SAMMSON: variants seen among roughly 807,000 people sequenced by gnomAD.
The protein encoded by SAMMSON is long intergenic non-protein coding RNA 1212.
intron 4 of SAMMSON, chr3:70,075,335 T>C (rs922723878): frequency 8.5e-5 from 13 of 152,132 alleles, no homozygotes; most frequent in African/African-American, 3.1e-4. Flanking sequence ...ATATTTATGT[T>C]GTTACTCATG....
intron 4 of SAMMSON, among the ~76,000 whole-genome samples, chr3:70,162,514 T>C (rs1487577414): frequency 6.6e-6 from 1 of 151,966 alleles, no homozygotes; most frequent in Non-Finnish European, 1.5e-5. Context: ...TTATATGATT[T>C]CAATTATTTT....
chr3:70,324,114 G>T (rs1033309347), intron 7 of SAMMSON, among the ~76,000 whole-genome samples: 1 of 152,038 alleles, frequency 6.6e-6, no homozygotes, highest in Admixed American at 6.6e-5. Context: ...TCCCCAAATT[G>T]TGTAAGTTCA....
At chr3:70,129,207 G>A (rs2067471036) in intron 4 of SAMMSON, among the ~76,000 whole-genome samples, 1 of 152,150 alleles carries the variant, frequency 6.6e-6, no homozygotes, top group Non-Finnish European at 1.5e-5. Flanking sequence ...GGTCAAACTA[G>A]TGTGGTTGTC....
rs921114459 is a variant in SAMMSON at position 70,081,507 on chromosome 3, G to A, written n.507+9942G>A. Among the ~76,000 whole-genome samples the A allele has an allele frequency of 9.9e-5, 15 of 152,130 alleles. 1 individual carries two copies. The South Asian group carries it at 2.5e-3, about 25-fold the overall frequency. On this transcript the variant is annotated intron_variant and non_coding_transcript_variant, in intron 4 of 9. Transcript: ENST00000642114. The stretch of plus-strand genomic sequence containing the variant: ...AAGACTGTAAGCTCCATGAAGACAG[G>A]CTCTTCACTCACTCCCCATTGTTTG...
intron 3 of SAMMSON, among the ~76,000 whole-genome samples, chr3:70,054,100 C>A (rs1326040320): frequency 6.6e-6 from 1 of 152,122 alleles, no homozygotes; most frequent in Non-Finnish European, 1.5e-5. Flanking sequence ...AGCATTCCAG[C>A]ATATCTGCAA....
At chr3:70,205,854 A>G (rs1701285717) in intron 4 of SAMMSON, 1 of 152,116 alleles carries the variant, frequency 6.6e-6, no homozygotes, top group Admixed American at 6.6e-5. Flanking sequence ...ACTGAACACT[A>G]CAAAATCTTG....
intron 3 of SAMMSON, among the ~76,000 whole-genome samples, chr3:70,053,022 A>G (rs2067152070): frequency 6.6e-6 from 1 of 152,156 alleles, no homozygotes; most frequent in Non-Finnish European, 1.5e-5. Context: ...TAATAAGCCT[A>G]TCAGTGCTCT....
At chr3:70,423,961 C>T (rs563214299) in intron 2 of SAMMSON, among the ~76,000 whole-genome samples, 2 of 152,042 alleles carry the variant, frequency 1.3e-5, no homozygotes, top group African/African-American at 2.4e-5. Context: ...GGGATGTGCA[C>T]CTTTGTTGGT....
chr3:70,057,300 G>A (rs944328172), intron 3 of SAMMSON, among the ~76,000 whole-genome samples: 9 of 151,730 alleles, frequency 5.9e-5, no homozygotes, highest in African/African-American at 1.9e-4. Context: ...TTTTGAATGC[G>A]TATCTTCTTT....
chr3:70,293,852 C>T (rs1214170251), intron 7 of SAMMSON, among the ~76,000 whole-genome samples: 2 of 151,788 alleles, frequency 1.3e-5, no homozygotes, highest in South Asian at 4.2e-4. Context: ...ATCAACTTAC[C>T]ACTTTCAGTT....
Position 70,431,974 on chromosome 3 carries a change from T to G in SAMMSON, n.234-30586T>G, listed in dbSNP as rs978689763. 5.3e-5 allele frequency among the ~76,000 whole-genome samples: 8 copies of G among 152,054 alleles called. No homozygotes were observed. The East Asian group carries it at 1.5e-3, about 29-fold the overall frequency. ...ATACCACAATGTATTTATTAACAAA[T>G]TGAGCATATTTTGTTTCTGCTTTTT... On this transcript the variant is annotated intron_variant and non_coding_transcript_variant, in intron 2 of 3. Transcript: ENST00000641053.
At chr3:70,200,727 A>G (rs1419952269) in intron 4 of SAMMSON, among the ~76,000 whole-genome samples, 3 of 152,198 alleles carry the variant, frequency 2.0e-5, no homozygotes, top group Non-Finnish European at 4.4e-5. Context: ...TCTCTGGTTG[A>G]CTGACTAAAT....
rs182736161 is a variant in SAMMSON, at chr3:70,321,479, C to T, written n.739+30236C>T. Among the ~76,000 whole-genome samples the T allele has an allele frequency of 1.4e-3, 210 of 152,130 alleles. 1 individual carries two copies. Among genetic ancestry groups the T allele is most frequent in the Non-Finnish European group, 2.3e-3 (153 of 67,970 alleles). On this transcript the variant is annotated intron_variant and non_coding_transcript_variant, in intron 7 of 9. Coordinates refer to ENST00000642114, the Ensembl canonical transcript of SAMMSON. ...GCTAATATACTACAATTTTGTCATC[C>T]ATTCCCGTTAATGGATATTTGGGTG...
chr3:70,084,136 C>T (rs1260243533), intron 4 of SAMMSON, among the ~76,000 whole-genome samples: 1 of 152,176 alleles, frequency 6.6e-6, no homozygotes, highest in Non-Finnish European at 1.5e-5. Flanking sequence ...ATGCCCATCA[C>T]ACGCCTCTTT....
chr3:70,171,620 G>GA (rs1700955261), intron 4 of SAMMSON, among the ~76,000 whole-genome samples: 1 of 151,634 alleles, frequency 6.6e-6, no homozygotes, highest in Admixed American at 6.6e-5. Flanking sequence ...GTCTTTGGGG[G>GA]GGGGAGCTTG....
chr3:70,373,021 C>T (rs188857513), intron 9 of SAMMSON, among the ~76,000 whole-genome samples: 1 of 152,260 alleles, frequency 6.6e-6, no homozygotes, highest in African/African-American at 2.4e-5. Context: ...TTTCAACTGT[C>T]AAACATAATT....
intron 4 of SAMMSON, among the ~76,000 whole-genome samples, chr3:70,077,895 C>T (rs974129332): frequency 6.6e-6 from 1 of 152,182 alleles, no homozygotes; most frequent in South Asian, 2.1e-4. Context: ...GCATTCACTC[C>T]TTAGCAACTG....
intron 4 of SAMMSON, among the ~76,000 whole-genome samples, chr3:70,182,245 G>A (rs1701059501): frequency 6.6e-6 from 1 of 152,136 alleles, no homozygotes; most frequent in Non-Finnish European, 1.5e-5. Flanking sequence ...AGGGGTGGGG[G>A]AGCTGAAAAA....
chr3:70,397,227 A>C (rs1214395817), intron 2 of SAMMSON, among the ~76,000 whole-genome samples: 3 of 152,174 alleles, frequency 2.0e-5, no homozygotes, highest in African/African-American at 7.2e-5. Context: ...CAATATTTGA[A>C]TATTACTATA....
Sources: allele counts gnomAD v4.1 joint callset (sites outside exome capture counted in the v4.1 genomes callset), GRCh38; gene constraint gnomAD v4.1.1; transcripts MANE v1.5; gene names NCBI Gene and HGNC (gene_info 2026-07-23, HGNC 2026-07-21).